FOCAD: variants seen among roughly 807,000 people sequenced by gnomAD.
FOCAD encodes KIAA1797.
Under a neutral mutation model 225.6 loss-of-function variants are expected in FOCAD, and 198 were observed. The observed-to-expected ratio is 0.88, with a 90% confidence interval of 0.78 to 0.99. FOCAD has a LOEUF of 0.99. Ranked by LOEUF, FOCAD falls within the 50% of genes least tolerant of loss-of-function variation. FOCAD has a pLI of 0.00. For missense variants in FOCAD, 2,713 were observed against 2,123.6 expected (o/e 1.28, Z -5.46); for synonymous variants, 897 against 755.0 (o/e 1.19, Z -3.08).
intron 1 of FOCAD, among the ~76,000 whole-genome samples, chr9:20,685,195 A>ATTTTTTTT (rs1563875171): frequency 4.9e-5 from 6 of 123,124 alleles, no homozygotes; most frequent in African/African-American, 1.0e-4. Context: ...TTGAGTTGGA[A>ATTTTTTTT]ATTTTTTTTT....
intron 1 of FOCAD, among the ~76,000 whole-genome samples, chr9:20,712,524 TG>T (rs1824941900): frequency 1.3e-5 from 2 of 151,212 alleles, no homozygotes; most frequent in African/African-American, 4.9e-5. Context: ...CTGAGCCCAG[TG>T]GTGGTGGGTG....
At chr9:20,801,251 A>G (rs10122278) in intron 11 of FOCAD, among the ~76,000 whole-genome samples, 29,409 of 152,122 alleles carry the variant, frequency 0.19, 3,239 homozygotes, top group Non-Finnish European at 0.25. Flanking sequence ...AAAGCGTTAC[A>G]TGGGATAAAG....
In FOCAD at chr9:20,795,810, C is replaced by T. The variant is rs1188261651; in HGVS notation, c.1455+6202C>T. On this transcript the variant is annotated intron_variant, in intron 11 of 43. Transcript: ENST00000338382. The stretch of plus-strand genomic sequence containing the variant: ...AAAAAAAAAAAAAAAAAAAAAAAGA[C>T]ACAGCATGTTTTATTTATTTATTTA... Among the ~76,000 whole-genome samples the T allele has an allele frequency of 6.8e-5, 9 of 132,794 alleles. No individual in the cohort carries two copies. The East Asian group carries it at 1.7e-3, about 26-fold the overall frequency. The allele number at this position is 132,794 out of a possible 152,430, so 87.1% of individuals were successfully genotyped here.
Position 20,929,575 on chromosome 9 carries a change from G to A in FOCAD, c.3296G>A (p.Arg1099His), listed in dbSNP as rs200667588. The A allele has an allele frequency of 6.8e-5, 109 of 1,613,636 alleles. 1 individual carries two copies. The East Asian group carries it at 2.2e-3, about 32-fold the overall frequency. Residue 1099 changes from arginine (R) to histidine (H), a missense_variant, in exon 27 of 44, where the codon CGC becomes CAC. Arg to His is a conservative substitution (Grantham distance 29). Coordinates refer to ENST00000338382, the MANE Select transcript of FOCAD (RefSeq NM_001375567.1). Reference sequence around the variant, plus strand: ...CTTGCTTTAGGGATGTTTCTCTCTCGCTTGTGTGAAGAGAAACTCAGGTAC... The same window carrying A: ...CTTGCTTTAGGGATGTTTCTCTCTCACTTGTGTGAAGAGAAACTCAGGTAC... ...MGLALGMFLSRLCEEKLSDIS... is the reference protein window; with the variant it reads ...MGLALGMFLSHLCEEKLSDIS...
chr9:20,716,912 T>C (rs561506678), intron 2 of FOCAD, among the ~76,000 whole-genome samples: 1 of 152,220 alleles, frequency 6.6e-6, no homozygotes, highest in Non-Finnish European at 1.5e-5. Flanking sequence ...CATAGACTAA[T>C]TGGCAGCCTT....
chr9:20,690,694 T>C (rs564315579), intron 1 of FOCAD, among the ~76,000 whole-genome samples: 1 of 152,136 alleles, frequency 6.6e-6, no homozygotes, highest in Non-Finnish European at 1.5e-5. Context: ...ACTGCAGATA[T>C]GTGCCACCAT....
intron 18 of FOCAD, among the ~76,000 whole-genome samples, chr9:20,870,517 G>T (rs1358350646): frequency 6.6e-6 from 1 of 152,130 alleles, no homozygotes; most frequent in Non-Finnish European, 1.5e-5. Flanking sequence ...ACTTTATGAT[G>T]GTGCAAAAGT....
At chr9:20,787,346 T>C (rs1046949962) in intron 10 of FOCAD, among the ~76,000 whole-genome samples, 1 of 152,176 alleles carries the variant, frequency 6.6e-6, no homozygotes, top group Non-Finnish European at 1.5e-5. Flanking sequence ...TTTATAGATA[T>C]TATAACCTAA....
intron 11 of FOCAD, among the ~76,000 whole-genome samples, chr9:20,791,244 C>CACAT (rs1820509050): frequency 6.6e-6 from 1 of 150,576 alleles, no homozygotes; most frequent in Non-Finnish European, 1.5e-5. Context: ...CACTCACACA[C>CACAT]ACACACACAC....
At chr9:20,731,361 C>T (rs1159789216) in intron 4 of FOCAD, among the ~76,000 whole-genome samples, 2 of 152,202 alleles carry the variant, frequency 1.3e-5, no homozygotes, top group Non-Finnish European at 2.9e-5. Context: ...CCAGTATTTA[C>T]AGTTATCCTA....
rs190377329 is a variant in FOCAD, at chr9:20,941,319, G to C, written c.3408-3308G>C. On this transcript the variant is annotated intron_variant, in intron 28 of 43. Coordinates refer to ENST00000338382, the MANE Select transcript of FOCAD (RefSeq NM_001375567.1). ...TGTGATCCTCACAGCCGTAACTGTAGTCATGCAGTCATCAATGACCCAAGC... is the reference window on the plus strand; with the variant it reads ...TGTGATCCTCACAGCCGTAACTGTACTCATGCAGTCATCAATGACCCAAGC... Among the ~76,000 whole-genome samples, 537 of 152,326 alleles carry C rather than the reference G, an allele frequency of 3.5e-3. 4 individuals carry two copies. The highest frequency in any genetic ancestry group is 0.013 in the African/African-American group (520 of 41,570).
At position 20,945,459 on chromosome 9, in the gene FOCAD, C is replaced by T. The variant is rs548638814; in HGVS notation, c.3555+685C>T. Among the ~76,000 whole-genome samples, 9 of 152,292 alleles carry T rather than the reference C, an allele frequency of 5.9e-5. No individual in the cohort carries two copies. In the East Asian group the frequency reaches 1.7e-3, roughly 29 times the overall value. On this transcript the variant is annotated intron_variant, in intron 29 of 43. Transcript: ENST00000338382. ...TAGAACAGATTCTATTTTATCCCAG[C>T]CTGCCCATGAGCTATTGATGAGTAC...
chr9:20,728,674 C>T (rs1826412933), intron 4 of FOCAD, among the ~76,000 whole-genome samples: 1 of 152,146 alleles, frequency 6.6e-6, no homozygotes, highest in African/African-American at 2.4e-5. Context: ...TTTAAGGGTT[C>T]TTGAGTAAAT....
intron 21 of FOCAD, among the ~76,000 whole-genome samples, chr9:20,902,868 AATG>A (rs1032036133): frequency 6.6e-6 from 1 of 151,878 alleles, no homozygotes; most frequent in South Asian, 2.1e-4. Context: ...GTGGGTTTCG[AATG>A]ATGATGACAA....
chr9:20,712,767 C>T (rs1211664550), intron 1 of FOCAD, among the ~76,000 whole-genome samples: 1 of 133,382 alleles, frequency 7.5e-6, no homozygotes, highest in Non-Finnish European at 1.6e-5. Context: ...GAATCTCACT[C>T]AGTCACCCAG....
intron 11 of FOCAD, among the ~76,000 whole-genome samples, chr9:20,804,236 A>G (rs1234519391): frequency 1.3e-5 from 2 of 152,042 alleles, no homozygotes; most frequent in Non-Finnish European, 2.9e-5. Flanking sequence ...AAATTGATGA[A>G]ATATCATGAA....
chr9:20,934,638 T>C (rs1393910152), intron 28 of FOCAD, among the ~76,000 whole-genome samples: 3 of 152,170 alleles, frequency 2.0e-5, no homozygotes, highest in East Asian at 1.9e-4. Flanking sequence ...TTTTGGTGAA[T>C]GTGGCCTTAT....
chr9:20,686,831 G>T (rs1430269226), intron 1 of FOCAD, among the ~76,000 whole-genome samples: 3 of 152,054 alleles, frequency 2.0e-5, no homozygotes, highest in African/African-American at 2.4e-5. Flanking sequence ...CACATGATAA[G>T]AAACAAGATT....
chr9:20,890,564 C>A (rs1402303709), intron 21 of FOCAD, among the ~76,000 whole-genome samples: 1 of 151,948 alleles, frequency 6.6e-6, no homozygotes, highest in Non-Finnish European at 1.5e-5. Flanking sequence ...TTGCTTCATT[C>A]TGTGTGCTAA....
Sources: gnomAD v4.1 joint callset for allele counts (sites outside exome capture counted in the v4.1 genomes callset) on GRCh38, gnomAD v4.1.1 for gene constraint, MANE v1.5 for transcripts, NCBI Gene and HGNC (gene_info 2026-07-23, HGNC 2026-07-21) for gene names.